DESI2: variants seen among roughly 807,000 people sequenced by gnomAD.
DESI2 encodes the protein deubiquitinase DESI2.
In DESI2, 10 loss-of-function variants were observed where a neutral mutation model predicts 24.1. The ratio of observed to expected loss-of-function variants is 0.41; its 90% CI spans 0.26 to 0.70. The LOEUF is 0.70. DESI2 is among the 30% of genes least tolerant of loss of function. DESI2 has a pLI of 0.29. For missense variants in DESI2, 122 were observed against 234.9 expected (o/e 0.52, Z 3.14); for synonymous variants, 71 against 87.7 (o/e 0.81, Z 1.06).
chr1:244,679,597 G>C (rs4658648), intron 1 of DESI2, among the ~76,000 whole-genome samples: 61,433 of 152,096 alleles, frequency 0.4, 14,113 homozygotes, highest in Middle Eastern at 0.52. Context: ...CTGGCTTGGC[G>C]TGTTGGCTCA....
At chr1:244,658,148 C>T (rs1487730957) in intron 1 of DESI2, among the ~76,000 whole-genome samples, 1 of 152,172 alleles carries the variant, frequency 6.6e-6, no homozygotes, top group Non-Finnish European at 1.5e-5. Context: ...GTTTCAGTCT[C>T]TAGTATTACT....
At chr1:244,698,386 T>G (rs779033037) in intron 4 of DESI2, among the ~76,000 whole-genome samples, 1 of 152,236 alleles carries the variant, frequency 6.6e-6, no homozygotes, top group African/African-American at 2.4e-5. Flanking sequence ...TAATTGCAAG[T>G]GAGCTCATAT....
intron 3 of DESI2, among the ~76,000 whole-genome samples, chr1:244,691,201 G>A (rs1351004981): frequency 6.6e-6 from 1 of 152,170 alleles, no homozygotes; most frequent in Non-Finnish European, 1.5e-5. Context: ...CGATTCTTCC[G>A]CCTCAGCCTC....
chr1:244,697,763 G>A (rs764849087), intron 4 of DESI2, among the ~76,000 whole-genome samples: 6 of 152,012 alleles, frequency 3.9e-5, no homozygotes, highest in Non-Finnish European at 5.9e-5. Context: ...CTCTCCTCCC[G>A]GAAGAAAGAA....
chr1:244,694,690 G>T, intron 4 of DESI2: 1 of 744,370 alleles, frequency 1.3e-6, no homozygotes, highest in Admixed American at 1.9e-5. Context: ...TTATTGCGAC[G>T]CTTTCCAAAC....
At chr1:244,666,429 G>C (rs1676049796) in intron 1 of DESI2, among the ~76,000 whole-genome samples, 1 of 152,052 alleles carries the variant, frequency 6.6e-6, no homozygotes, top group Admixed American at 6.6e-5. Context: ...ACTCCAATCA[G>C]TGAATGAATA....
Position 244,708,681 on chromosome 1 carries a change from G to A in DESI2, c.*2892G>A, listed in dbSNP as rs1279696482. On this transcript the variant is annotated 3_prime_UTR_variant, in exon 5 of 5. Coordinates refer to ENST00000302550, the MANE Select transcript of DESI2 (RefSeq NM_016076.5). ...AAGCTACTCTGTAACTTTGATATAT[G>A]CTGTATTTTCTTTCTTTAAAAGATT... 1 of 152,592 alleles carries A rather than the reference G, an allele frequency of 6.6e-6. No individual in the cohort carries two copies. Among genetic ancestry groups the A allele is most frequent in the Admixed American group, 6.5e-5 (1 of 15,278 alleles). The allele number at this position is 152,592 out of a possible 1,614,324, so 9.5% of individuals were successfully genotyped here.
At chr1:244,688,994 C>T (rs568538503) in intron 2 of DESI2, among the ~76,000 whole-genome samples, 1 of 152,332 alleles carries the variant, frequency 6.6e-6, no homozygotes, top group South Asian at 2.1e-4. Context: ...GTTGATCACT[C>T]TCTTCCTGCC....
chr1:244,695,655 A>G (rs897092806), intron 4 of DESI2, among the ~76,000 whole-genome samples: 4 of 152,224 alleles, frequency 2.6e-5, no homozygotes, highest in African/African-American at 7.2e-5. Flanking sequence ...CTCCATCTGA[A>G]AAAAATAAGT....
intron 4 of DESI2, chr1:244,694,466 G>A: frequency 1.3e-6 from 1 of 783,628 alleles, no homozygotes; most frequent in East Asian, 2.6e-5. Flanking sequence ...CTGCCCTCTT[G>A]GGTTTAGGTG....
intron 4 of DESI2, among the ~76,000 whole-genome samples, chr1:244,692,926 G>A (rs376531834): frequency 2.6e-5 from 4 of 152,328 alleles, no homozygotes; most frequent in African/African-American, 9.6e-5. Context: ...TCATATGAAC[G>A]TGAAGGTTCA....
rs182271434 is a variant in DESI2 at position 244,681,907 on chromosome 1, C to T, written c.43-4690C>T. On this transcript the variant is annotated intron_variant, in intron 1 of 4. Transcript: ENST00000302550. ...GGTGGGTTCTTGGTCTCACTGACTT[C>T]AAGAATGAAGCCGCAGACCCTCGTG... Among the ~76,000 whole-genome samples, 46 of 152,286 alleles carry T rather than the reference C, an allele frequency of 3.0e-4. 1 individual carries two copies. Among genetic ancestry groups the T allele is most frequent in the African/African-American group, 9.4e-4 (39 of 41,558 alleles).
intron 4 of DESI2, among the ~76,000 whole-genome samples, chr1:244,698,617 A>T (rs1335677331): frequency 6.6e-6 from 1 of 152,182 alleles, no homozygotes; most frequent in Non-Finnish European, 1.5e-5. Flanking sequence ...TTGACGCTTG[A>T]GCTAAAACTT....
chr1:244,690,571 G>A (rs1676989432), intron 3 of DESI2, among the ~76,000 whole-genome samples: 1 of 152,006 alleles, frequency 6.6e-6, no homozygotes, highest in African/African-American at 2.4e-5. Context: ...CAGGCATGGT[G>A]GTACATGCCT....
chr1:244,692,475 C>G (rs1255026634), intron 4 of DESI2, among the ~76,000 whole-genome samples: 1 of 151,524 alleles, frequency 6.6e-6, no homozygotes, highest in African/African-American at 2.4e-5. Context: ...TTCTTGAATC[C>G]CAAGCAGAAG....
intron 1 of DESI2, 77 bp downstream of exon 1, chr1:244,653,432 C>G: frequency 1.4e-5 from 20 of 1,445,236 alleles, no homozygotes; most frequent in Non-Finnish European, 1.8e-5. Context: ...GACCCCGGCC[C>G]CAGGCGCTTC....
rs544975315 is a variant in DESI2 at position 244,668,965 on chromosome 1, C to G, written c.42+15610C>G. Among the ~76,000 whole-genome samples, 26 of 152,202 alleles carry G rather than the reference C, an allele frequency of 1.7e-4. No homozygotes were observed. The South Asian group carries it at 2.5e-3, about 15-fold the overall frequency. On this transcript the variant is annotated intron_variant, in intron 1 of 4. Coordinates refer to ENST00000302550, the MANE Select transcript of DESI2 (RefSeq NM_016076.5). ...GCAATTTTTTTCTCTTCCCTTTTAT[C>G]ATATTAATACTTTAGAATGCTTCTT...
intron 4 of DESI2, among the ~76,000 whole-genome samples, chr1:244,692,314 G>T (rs908885367): frequency 6.6e-6 from 1 of 151,960 alleles, no homozygotes; most frequent in Non-Finnish European, 1.5e-5. Context: ...CTTTAAAAAA[G>T]TAAATGCCTA....
At chr1:244,680,966 A>G (rs1335275477) in intron 1 of DESI2, among the ~76,000 whole-genome samples, 4 of 129,668 alleles carry the variant, frequency 3.1e-5, no homozygotes, top group African/African-American at 1.1e-4. Flanking sequence ...TTTTTTTTTT[A>G]AGTATTACCA....
Sources: allele counts gnomAD v4.1 joint callset (sites outside exome capture counted in the v4.1 genomes callset), GRCh38; gene constraint gnomAD v4.1.1; transcripts MANE v1.5; gene names NCBI Gene and HGNC (gene_info 2026-07-23, HGNC 2026-07-21).